The following M1AP variants were observed in gnomAD, a reference collection of about 807,000 sequenced individuals.
The protein encoded by M1AP is meiosis 1 associated protein.
Under a neutral mutation model 51.2 loss-of-function variants are expected in M1AP, and 39 were observed. That is an observed-to-expected ratio of 0.76 (90% CI 0.59 to 1.00). The LOEUF (loss-of-function observed/expected upper bound fraction) is 1.00, where lower values mean the gene tolerates loss of function less well. Among genes scored for constraint, M1AP ranks in the 50% least tolerant of loss-of-function variants. The pLI, the probability that M1AP is intolerant of heterozygous loss-of-function variation, is 0.00. For missense variants in M1AP, 545 were observed against 641.2 expected (o/e 0.85, Z 1.62); for synonymous variants, 251 against 249.2 (o/e 1.01, Z -0.07).
At chr2:74,633,562 C>T (rs1196154793) in intron 2 of M1AP, among the ~76,000 whole-genome samples, 2 of 152,078 alleles carry the variant, frequency 1.3e-5, no homozygotes, top group Non-Finnish European at 2.9e-5. Context: ...CTATATATTC[C>T]CACTTGCTTG....
chr2:74,576,586 G>GCAGT lies in M1AP; in HGVS notation c.798_801dup (p.Leu268ThrfsTer12). On this transcript the variant is annotated frameshift_variant, in exon 6 of 11. Transcript: ENST00000421985. LOFTEE classifies it high-confidence loss of function. The stretch of plus-strand genomic sequence containing the variant: ...GTGCCAGCGAGTAGGGATGGGCAGA[G>GCAGT]CAGTCGCTCTTGGAGATCACATTTC... 6.2e-7 allele frequency: 1 copy of GCAGT among 1,614,148 alleles called. No individual in the cohort carries two copies.
chr2:74,628,836 C>A, intron 2 of M1AP: 1 of 449,790 alleles, frequency 2.2e-6, no homozygotes, highest in Non-Finnish European at 4.4e-6. Context: ...GAAAACGATA[C>A]CACTGAATAT....
At chr2:74,573,498 G>A (rs188593598) in intron 7 of M1AP, among the ~76,000 whole-genome samples, 18 of 152,048 alleles carry the variant, frequency 1.2e-4, no homozygotes, top group Admixed American at 9.8e-4. Flanking sequence ...GATTAGAGGT[G>A]CGTGCCACTA....
chr2:74,589,942 C>T (rs543046792), intron 4 of M1AP, among the ~76,000 whole-genome samples: 1 of 152,326 alleles, frequency 6.6e-6, no homozygotes, highest in African/African-American at 2.4e-5. Context: ...AATGCATCAA[C>T]ACTGATGATA....
intron 2 of M1AP, among the ~76,000 whole-genome samples, chr2:74,620,432 AAACAACCTGCTG>A (rs1170752361): frequency 1.3e-5 from 2 of 152,220 alleles, no homozygotes; most frequent in African/African-American, 4.8e-5. Context: ...CCCCATGCCC[AAACAACCTGCTG>A]AACAACCCCC....
chr2:74,574,179 C>T (rs1316675338), intron 7 of M1AP, among the ~76,000 whole-genome samples: 1 of 152,234 alleles, frequency 6.6e-6, no homozygotes, highest in African/African-American at 2.4e-5. Context: ...CTAAGTCAAA[C>T]CTTTATTCTA....
intron 4 of M1AP, among the ~76,000 whole-genome samples, chr2:74,600,220 T>C (rs572870174): frequency 1.3e-5 from 2 of 152,202 alleles, no homozygotes; most frequent in African/African-American, 4.8e-5. Flanking sequence ...ATGCCTTAGT[T>C]TTTTCATCTA....
At chr2:74,601,709 G>A (rs1680689709) in intron 4 of M1AP, among the ~76,000 whole-genome samples, 1 of 152,016 alleles carries the variant, frequency 6.6e-6, no homozygotes, top group Admixed American at 6.6e-5. Flanking sequence ...TAGGCTATAT[G>A]GTTAAAATTT....
rs942911013 is a variant in M1AP at position 74,644,789 on chromosome 2, A to C, written c.-53+3476T>G. Among the ~76,000 whole-genome samples the C allele has an allele frequency of 5.3e-5, 8 of 152,208 alleles. 1 individual carries two copies. The highest frequency in any genetic ancestry group is 1.9e-4 in the African/African-American group (8 of 41,456). On this transcript the variant is annotated intron_variant, in intron 1 of 10. Coordinates refer to ENST00000421985, the MANE Select transcript of M1AP (RefSeq NM_001321739.2). Reference sequence around the variant, plus strand: ...TGTATTTACCAAGAAAGCACATAACATATTTTTAAACTGTACTTTAAGTAC... The same window carrying C: ...TGTATTTACCAAGAAAGCACATAACCTATTTTTAAACTGTACTTTAAGTAC...
chr2:74,569,453 T>C (rs1233605734), intron 7 of M1AP, among the ~76,000 whole-genome samples: 3 of 148,400 alleles, frequency 2.0e-5, no homozygotes, highest in Non-Finnish European at 4.4e-5. Context: ...CGATCTCGGC[T>C]CACTGCAACC....
intron 4 of M1AP, among the ~76,000 whole-genome samples, chr2:74,582,086 C>T (rs965824857): frequency 3.9e-5 from 6 of 152,280 alleles, no homozygotes; most frequent in South Asian, 2.1e-4. Flanking sequence ...CTCACCACCA[C>T]GACTGACTAA....
At chr2:74,603,071 A>T (rs574717793) in intron 4 of M1AP, among the ~76,000 whole-genome samples, 19 of 152,210 alleles carry the variant, frequency 1.2e-4, no homozygotes, top group Non-Finnish European at 2.5e-4. Context: ...ATTCATTTTG[A>T]GAACCCAATG....
chr2:74,619,254 T>C, intron 2 of M1AP: 1 of 208,328 alleles, frequency 4.8e-6, no homozygotes, highest in Non-Finnish European at 9.9e-6. Context: ...GGTAAAAACC[T>C]TTTTGTAGTG....
chr2:74,590,989 TA>T, intron 4 of M1AP, among the ~76,000 whole-genome samples: 1 of 152,348 alleles, frequency 6.6e-6, no homozygotes, highest in South Asian at 2.1e-4. Context: ...TTCATCTCTT[TA>T]AGCTCAATTT....
Position 74,571,112 on chromosome 2 carries a change from T to C in M1AP, c.1074+4326A>G, listed in dbSNP as rs148680146. 3.4e-3 allele frequency among the ~76,000 whole-genome samples: 512 copies of C among 152,200 alleles called. 2 individuals are homozygous for C. Among genetic ancestry groups the C allele is most frequent in the African/African-American group, 0.012 (495 of 41,528 alleles). On this transcript the variant is annotated intron_variant, in intron 7 of 10. Transcript: ENST00000421985. The stretch of plus-strand genomic sequence containing the variant: ...TTCAAGGAGATTAAGCTAGTGCCAA[T>C]GTGCAGGGAAAACCAGAAGAGAGAG...
At chr2:74,643,030 T>C (rs1023214807) in intron 1 of M1AP, among the ~76,000 whole-genome samples, 6 of 152,184 alleles carry the variant, frequency 3.9e-5, no homozygotes, top group Admixed American at 3.3e-4. Flanking sequence ...AATTAATTTT[T>C]GTATATTGAC....
intron 1 of M1AP, among the ~76,000 whole-genome samples, chr2:74,645,564 C>A (rs1047020250): frequency 2.6e-5 from 4 of 152,190 alleles, no homozygotes; most frequent in Non-Finnish European, 5.9e-5. Context: ...TTTACCATTG[C>A]CATGGCAACA....
intron 8 of M1AP, chr2:74,561,782 C>T (rs902105518): frequency 1.8e-6 from 1 of 545,576 alleles, no homozygotes; most frequent in Non-Finnish European, 2.3e-6. Flanking sequence ...AGGAGCTGGA[C>T]CTGCTGGTGT....
intron 2 of M1AP, among the ~76,000 whole-genome samples, chr2:74,629,525 G>A (rs1004544843): frequency 1.3e-5 from 2 of 152,168 alleles, no homozygotes; most frequent in African/African-American, 4.8e-5. Context: ...GGCCCAAGTG[G>A]GTGGATCATG....
Sources: allele counts gnomAD v4.1 joint callset (sites outside exome capture counted in the v4.1 genomes callset), GRCh38; gene constraint gnomAD v4.1.1; transcripts MANE v1.5; gene names NCBI Gene and HGNC (gene_info 2026-07-23, HGNC 2026-07-21).